PLN: variants seen among roughly 807,000 people sequenced by gnomAD.
PLN encodes phospholamban.
A neutral mutation model predicts 3.9 loss-of-function variants in PLN; 1 was observed. The observed-to-expected ratio is 0.26, with a 90% CI of 0.09 to 1.23. PLN has a LOEUF of 1.23. PLN is among the 50% of genes most tolerant of loss of function. The pLI, the probability that PLN is intolerant of heterozygous loss-of-function variation, is 0.48. For synonymous variants in PLN, 21 were observed against 20.5 expected, an observed-to-expected ratio of 1.02 and a Z score of -0.07; for missense variants, 59 against 62.7, an observed-to-expected ratio of 0.94 and a Z score of 0.20.
rs1286261787 is a variant in PLN, at chr6:118,561,577, T to C, written c.*2497T>C. Among the ~76,000 whole-genome samples the C allele has an allele frequency of 6.6e-6, 1 of 152,110 alleles. No individual in the cohort carries two copies. The highest frequency in any genetic ancestry group is 2.4e-5 in the African/African-American group (1 of 41,444). On this transcript the variant is annotated 3_prime_UTR_variant, in exon 2 of 2. Transcript: ENST00000357525. ...CAAATATGTTCTACTATAGAATAAG[T>C]TCTTATCTTAATTTACAGGGCACTA...
At position 118,559,234 on chromosome 6, in the gene PLN, T is replaced by G; in HGVS notation, c.*154T>G. On this transcript the variant is annotated 3_prime_UTR_variant, in exon 2 of 2. Coordinates refer to ENST00000357525, the MANE Select transcript of PLN (RefSeq NM_002667.5). ...CAAGATTAAGACTAAAACTTATTGTTACCATATGTATTCATCTGTTGGATC... is the reference window on the plus strand; with the variant it reads ...CAAGATTAAGACTAAAACTTATTGTGACCATATGTATTCATCTGTTGGATC... 1 of 726,350 alleles carries G rather than the reference T, an allele frequency of 1.4e-6. No homozygotes were observed. Among genetic ancestry groups the G allele is most frequent in the Non-Finnish European group, 2.5e-6 (1 of 392,408 alleles). 45.0% of individuals were successfully genotyped at this position (726,350 alleles called of 1,614,324 possible).
intron 1 of PLN, among the ~76,000 whole-genome samples, chr6:118,556,397 T>C (rs1778878594): frequency 6.6e-6 from 1 of 152,040 alleles, no homozygotes; most frequent in Non-Finnish European, 1.5e-5. Flanking sequence ...GGGGACAGAG[T>C]CTCAAGCCAA....
chr6:118,548,999 C>T (rs1446266047), intron 1 of PLN, among the ~76,000 whole-genome samples: 5 of 152,014 alleles, frequency 3.3e-5, no homozygotes, highest in Admixed American at 2.6e-4. Context: ...TTTTAACAAA[C>T]ATTTCTAAAA....
chr6:118,557,109 T>C (rs1286906069), intron 1 of PLN, among the ~76,000 whole-genome samples: 3 of 152,158 alleles, frequency 2.0e-5, no homozygotes, highest in Non-Finnish European at 4.4e-5. Flanking sequence ...CATCAAATCT[T>C]ATTAAAATGT....
At chr6:118,558,362 G>A (rs1778999690) in intron 1 of PLN, among the ~76,000 whole-genome samples, 1 of 152,078 alleles carries the variant, frequency 6.6e-6, no homozygotes, top group Middle Eastern at 3.2e-3. Flanking sequence ...ATGTTTTTGT[G>A]ACCAGAAATA....
chr6:118,560,454 T>C lies in PLN; in HGVS notation c.*1374T>C, dbSNP rs1015388114. 1 of 166,986 alleles carries C rather than the reference T, an allele frequency of 6.0e-6. No individual in the cohort carries two copies. The highest frequency in any genetic ancestry group is 1.5e-5 in the Non-Finnish European group (1 of 68,118). 10.3% of individuals were successfully genotyped at this position (166,986 alleles called of 1,614,324 possible). On this transcript the variant is annotated 3_prime_UTR_variant, in exon 2 of 2. Transcript: ENST00000357525. Reference sequence around the variant, plus strand: ...AGTCTTCATTCTCATTGTCTTCACATTGAGTAGGCAGAGGAGGAGAAAGAT... The same window carrying C: ...AGTCTTCATTCTCATTGTCTTCACACTGAGTAGGCAGAGGAGGAGAAAGAT...
At chr6:118,556,236 T>C (rs115262846) in intron 1 of PLN, among the ~76,000 whole-genome samples, 2,644 of 152,342 alleles carry the variant, frequency 0.017, 77 homozygotes, top group African/African-American at 0.061. Context: ...AGAAGTGTTA[T>C]AGACAACCTA....
chr6:118,554,826 G>T (rs1478683078), intron 1 of PLN, among the ~76,000 whole-genome samples: 1 of 152,166 alleles, frequency 6.6e-6, no homozygotes, highest in South Asian at 2.1e-4. Flanking sequence ...TCCAGGCAGA[G>T]ATAGAACAAC....
chr6:118,558,898 C>A lies in PLN; in HGVS notation c.-24C>A, dbSNP rs1199811930. 1 of 1,608,732 alleles carries A rather than the reference C, an allele frequency of 6.2e-7. No homozygotes were observed. The highest frequency in any genetic ancestry group is 1.1e-5 in the South Asian group (1 of 90,934). ...TCTTTCTCTCGACCACTTAAAACTT[C>A]AGACTTCCTGTCCTGCTGGTATCAT... On this transcript the variant is annotated 5_prime_UTR_variant, in exon 2 of 2. Transcript: ENST00000357525.
At chr6:118,548,470 C>T (rs1778341366) in intron 1 of PLN, 78 bp downstream of exon 1, 1 of 152,116 alleles carries the variant, frequency 6.6e-6, no homozygotes, top group Admixed American at 6.5e-5. Context: ...ATAATCTGAA[C>T]TTTTAAAATG....
At chr6:118,558,660 C>CACAGAG (rs1318088942) in intron 1 of PLN, among the ~76,000 whole-genome samples, 165 bp from the exon 2 acceptor site, 7 of 122,308 alleles carry the variant, frequency 5.7e-5, no homozygotes, top group African/African-American at 1.9e-4. Context: ...CACACACACA[C>CACAGAG]AGAGAGAGAG....
chr6:118,556,174 G>A (rs1243025204), intron 1 of PLN, among the ~76,000 whole-genome samples: 1 of 152,170 alleles, frequency 6.6e-6, no homozygotes, highest in Non-Finnish European at 1.5e-5. Context: ...CCAGTAATGG[G>A]ATTGTTGGGT....
intron 1 of PLN, among the ~76,000 whole-genome samples, chr6:118,555,090 T>G (rs1778773806): frequency 6.6e-6 from 1 of 152,186 alleles, no homozygotes. Context: ...TTACCAAGTC[T>G]AATTATTATT....
intron 1 of PLN, among the ~76,000 whole-genome samples, chr6:118,556,089 T>A (rs947172852): frequency 2.0e-5 from 3 of 152,218 alleles, no homozygotes; most frequent in Admixed American, 6.5e-5. Flanking sequence ...TTTGCTATTG[T>A]GAATAGTGCT....
intron 1 of PLN, among the ~76,000 whole-genome samples, chr6:118,558,200 C>T (rs1778990652): frequency 6.6e-6 from 1 of 152,212 alleles, no homozygotes; most frequent in African/African-American, 2.4e-5. Flanking sequence ...AACTGCCCGC[C>T]TTGGCCTCCC....
Position 118,548,896 on chromosome 6 carries a change from T to G in PLN, c.-98+504T>G, listed in dbSNP as rs554029440. On this transcript the variant is annotated intron_variant, in intron 1 of 1. Transcript: ENST00000357525. ...CTATTCCAATATTATCATAATTTCA[T>G]ACAGTGAATAATGAAATGGAGTTTC... 9.9e-5 allele frequency among the ~76,000 whole-genome samples: 15 copies of G among 152,110 alleles called. No homozygotes were observed. The South Asian group carries it at 2.9e-3, about 29-fold the overall frequency.
intron 1 of PLN, among the ~76,000 whole-genome samples, chr6:118,557,755 C>A (rs1246563283): frequency 1.3e-5 from 2 of 152,094 alleles, no homozygotes. Flanking sequence ...TTGGTAAAGT[C>A]TACGGTGATC....
intron 1 of PLN, among the ~76,000 whole-genome samples, chr6:118,553,296 T>C (rs911328792): frequency 3.3e-5 from 5 of 149,818 alleles, no homozygotes; most frequent in Admixed American, 3.3e-4. Context: ...AACCATGCCA[T>C]AAATTATAAT....
intron 1 of PLN, among the ~76,000 whole-genome samples, chr6:118,552,450 G>A (rs185190081): frequency 5.2e-4 from 79 of 152,022 alleles, no homozygotes; most frequent in African/African-American, 8.9e-4. Context: ...GGTTCCTTCC[G>A]CACAAGAATG....
Sources: gnomAD v4.1 joint callset for allele counts (sites outside exome capture counted in the v4.1 genomes callset) on GRCh38, gnomAD v4.1.1 for gene constraint, MANE v1.5 for transcripts, NCBI Gene and HGNC (gene_info 2026-07-23, HGNC 2026-07-21) for gene names.